The following DICER1 variants were observed in gnomAD, a reference collection of about 807,000 sequenced individuals.
DICER1 encodes endoribonuclease Dicer.
In DICER1, 43 loss-of-function variants were observed where a neutral mutation model predicts 194.1. The observed-to-expected ratio is 0.22, with a 90% confidence interval of 0.17 to 0.29. The LOEUF is 0.29. Ranked by LOEUF, DICER1 falls within the 10% of genes least tolerant of loss-of-function variation. DICER1 has a pLI of 1.00. For missense variants in DICER1, 1,608 were observed against 2,317.0 expected (o/e 0.69, Z 6.28); for synonymous variants, 832 against 820.5 (o/e 1.01, Z -0.24).
chr14:95,149,749 T>G (rs1895389580), intron 1 of DICER1, among the ~76,000 whole-genome samples: 1 of 152,242 alleles, frequency 6.6e-6, no homozygotes, highest in Non-Finnish European at 1.5e-5. Context: ...TTTTATTAAT[T>G]AATTCGATGT....
In DICER1 at chr14:95,108,098, G is replaced by C. The variant is rs1595381000; in HGVS notation, c.2437-5C>G. ...GTACACAGGAAAGTGTGGAATCTTA[G>C]CAAAAGGAAATGTAAAGCACCCCTC... is the stretch of plus-strand genomic sequence containing the variant. On this transcript the variant is annotated splice_region_variant and splice_polypyrimidine_tract_variant and intron_variant, in intron 15 of 26. Transcript: ENST00000343455. 1.9e-6 allele frequency: 3 copies of C among 1,606,182 alleles called. No homozygotes were observed. The highest frequency in any genetic ancestry group is 2.2e-5 in the South Asian group (2 of 90,888).
intron 1 of DICER1, chr14:95,140,537 T>A (rs968207021): frequency 6.6e-6 from 1 of 152,174 alleles, no homozygotes; most frequent in Non-Finnish European, 1.5e-5. Flanking sequence ...CAAAATCGCC[T>A]AACAATGCAT....
rs1304512311 is a variant in DICER1, at chr14:95,088,752, G to C, written c.*1746C>G. The C allele has an allele frequency of 4.3e-6, 1 of 232,892 alleles. No individual in the cohort carries two copies. The highest frequency in any genetic ancestry group is 8.5e-6 in the Non-Finnish European group (1 of 117,826). 14.4% of individuals were successfully genotyped at this position (232,892 alleles called of 1,614,324 possible). A position where few individuals can be genotyped will look rare whatever the true frequency, so the allele number is the denominator to read the frequency against. ...CACTCAGGGTTCCTTAGAAAGCAGAGCTGACAGTTTTCTGTCGGTGCACTC... is the reference window on the plus strand; with the variant it reads ...CACTCAGGGTTCCTTAGAAAGCAGACCTGACAGTTTTCTGTCGGTGCACTC... On this transcript the variant is annotated 3_prime_UTR_variant, in exon 27 of 27. Transcript: ENST00000343455.
chr14:95,142,396 A>G (rs1894877059), intron 1 of DICER1, among the ~76,000 whole-genome samples: 1 of 152,118 alleles, frequency 6.6e-6, no homozygotes, highest in Non-Finnish European at 1.5e-5. Flanking sequence ...ATTTCATTCT[A>G]TACCGCCACC....
At chr14:95,123,492 A>G (rs990602767) in intron 8 of DICER1, among the ~76,000 whole-genome samples, 2 of 152,130 alleles carry the variant, frequency 1.3e-5, no homozygotes, top group African/African-American at 2.4e-5. Flanking sequence ...GTGCCATCTC[A>G]GCTCACTGCA....
chr14:95,106,310 G>T, intron 17 of DICER1, 87 bp from the exon 18 acceptor site: 1 of 996,138 alleles, frequency 1.0e-6, no homozygotes, highest in Non-Finnish European at 1.5e-6. Flanking sequence ...GTATGGAAAT[G>T]ATGATTAAGA....
chr14:95,112,548 CA>C (rs1266692171), intron 12 of DICER1, among the ~76,000 whole-genome samples: 5 of 151,940 alleles, frequency 3.3e-5, no homozygotes, highest in African/African-American at 4.8e-5. Flanking sequence ...AAATATGTAA[CA>C]AAAAGAAAGA....
At chr14:95,106,313 G>T in intron 17 of DICER1, 90 bp from the exon 18 acceptor site, 1 of 978,126 alleles carries the variant, frequency 1.0e-6, no homozygotes, top group Non-Finnish European at 1.6e-6. Context: ...TGGAAATGAT[G>T]ATTAAGAATT....
In DICER1 at chr14:95,115,971, CCTT is replaced by C. The variant is rs2140116901; in HGVS notation, c.1753-153_1753-151del. 4 of 778,632 alleles carry C rather than the reference CCTT, an allele frequency of 5.1e-6. No individual in the cohort carries two copies. In the East Asian group the frequency reaches 1.1e-4, roughly 21 times the overall value. The allele number at this position is 778,632 out of a possible 1,614,324, so 48.2% of individuals were successfully genotyped here. ...ACTCCAAAGTAACCTGCTGCAGACA[CCTT>C]CTTCCAATGAATCCCTCCCAGTTCC... On this transcript the variant is annotated intron_variant, in intron 10 of 26. Coordinates refer to ENST00000343455, the MANE Select transcript of DICER1 (RefSeq NM_177438.3).
intron 8 of DICER1, 109 bp from the exon 9 acceptor site, chr14:95,117,863 CT>C: frequency 2.0e-6 from 2 of 1,022,140 alleles, no homozygotes; most frequent in South Asian, 2.9e-5. Context: ...GCAAACATAC[CT>C]AACAAAACGG....
At chr14:95,126,258 T>G (rs1035428140) in intron 7 of DICER1, among the ~76,000 whole-genome samples, 1 of 152,148 alleles carries the variant, frequency 6.6e-6, no homozygotes, top group Non-Finnish European at 1.5e-5. Context: ...AAGAATTTGT[T>G]TAATTCAAGG....
intron 1 of DICER1, among the ~76,000 whole-genome samples, chr14:95,135,815 G>C (rs763531485): frequency 6.6e-6 from 1 of 152,074 alleles, no homozygotes; most frequent in Non-Finnish European, 1.5e-5. Flanking sequence ...ATCTGTTGAT[G>C]GACACTTAGA....
chr14:95,132,438 A>G, intron 3 of DICER1, 77 bp downstream of exon 3: 4 of 1,474,136 alleles, frequency 2.7e-6, no homozygotes, highest in Non-Finnish European at 2.8e-6. Context: ...TTAACTTAAG[A>G]AACACAGAAA....
chr14:95,095,931 T>A lies in DICER1; in HGVS notation c.4989A>T (p.Ile1663=). 1 of 1,614,198 alleles carries A rather than the reference T, an allele frequency of 6.2e-7. No individual in the cohort carries two copies. The highest frequency in any genetic ancestry group is 8.5e-7 in the Non-Finnish European group (1 of 1,180,010). The change falls in exon 23 of 27, where the codon ATA becomes ATT. Residue 1663 remains isoleucine (I), a synonymous_variant. Coordinates refer to ENST00000343455, the MANE Select transcript of DICER1 (RefSeq NM_177438.3). The stretch of plus-strand genomic sequence containing the variant: ...TCTTTTCAAAATTTTCAAACCCCGA[T>A]ATAAGGTGATTCAGTGTTTTATCTG... ...PDADKTLNHL[I]SGFENFEKKI...
Position 95,105,583 on chromosome 14 carries a change from G to T in DICER1, c.3093+95C>A. ...AACTTCTAAAAAATTAACGAATCAT[G>T]CATTTAACTTGGTAAGATAAAATTC... On this transcript the variant is annotated intron_variant, in intron 19 of 26. Transcript: ENST00000343455. The surrounding 1 kb of genome is among the most constrained non-coding windows in gnomAD (Gnocchi z 4.9). The T allele has an allele frequency of 2.1e-6, 2 of 968,932 alleles. No individual in the cohort carries two copies. The highest frequency in any genetic ancestry group is 3.2e-6 in the Non-Finnish European group (2 of 616,978). The allele number at this position is 968,932 out of a possible 1,614,324, so 60.0% of individuals were successfully genotyped here.
intron 21 of DICER1, among the ~76,000 whole-genome samples, chr14:95,103,143 T>C (rs1178221982): frequency 6.6e-6 from 1 of 152,062 alleles, no homozygotes; most frequent in East Asian, 1.9e-4. Context: ...GTGGGATTGG[T>C]GTAAAGCAAT....
chr14:95,147,073 T>G (rs1895183280), intron 1 of DICER1, among the ~76,000 whole-genome samples: 1 of 152,188 alleles, frequency 6.6e-6, no homozygotes, highest in South Asian at 2.1e-4. Context: ...TCCTACAACT[T>G]GAACACACAG....
chr14:95,116,198 G>A (rs1320893701), intron 10 of DICER1, among the ~76,000 whole-genome samples: 2 of 152,044 alleles, frequency 1.3e-5, no homozygotes, highest in African/African-American at 4.8e-5. Flanking sequence ...TTTCCCAGAC[G>A]TTCATCCCAA....
In DICER1 at chr14:95,117,625, T is replaced by C. The variant is rs754334322; in HGVS notation, c.1506A>G (p.Glu502=). The C allele has an allele frequency of 1.4e-5, 23 of 1,613,904 alleles. No individual in the cohort carries two copies. The African/African-American group carries it at 2.7e-4, about 19-fold the overall frequency. The part of the protein sequence containing the change: ...KQMEAEFRKQ[E]EVLRKFRAHE... ...CACTTATTTTGATTTAAGTTACCTCTTCCTGTTTTCTGAATTCTGCTTCCA... is the reference window on the plus strand; with the variant it reads ...CACTTATTTTGATTTAAGTTACCTCCTCCTGTTTTCTGAATTCTGCTTCCA... Residue 502 remains glutamate (E), a synonymous_variant, in exon 9 of 27, where the codon GAA becomes GAG. Transcript: ENST00000343455.
Sources: allele counts gnomAD v4.1 joint callset (sites outside exome capture counted in the v4.1 genomes callset), GRCh38; gene constraint gnomAD v4.1.1; non-coding constraint Gnocchi (gnomAD v3.1); transcripts MANE v1.5; gene names NCBI Gene and HGNC (gene_info 2026-07-23, HGNC 2026-07-21).